Variants in PTPRE observed in about 807,000 individuals in gnomAD.
PTPRE encodes protein tyrosine phosphatase receptor type E.
In PTPRE, 51 loss-of-function variants were observed where a neutral mutation model predicts 102.0. That is an observed-to-expected ratio of 0.50 (90% CI 0.40 to 0.63). The LOEUF is 0.63. Among genes scored for constraint, PTPRE ranks in the 30% least tolerant of loss-of-function variants. The probability of loss-of-function intolerance (pLI) is 0.00; values close to 1 mark genes in which losing one functional copy is unlikely to be tolerated. For synonymous variants in PTPRE, 345 were observed against 348.2 expected (o/e 0.99, Z 0.10); for missense variants, 752 against 915.1 (o/e 0.82, Z 2.30).
chr10:127,973,665 A>G (rs1366095619), intron 1 of PTPRE, among the ~76,000 whole-genome samples: 4 of 151,916 alleles, frequency 2.6e-5, no homozygotes, highest in Admixed American at 1.3e-4. Flanking sequence ...AAAAAAATTG[A>G]TCTGTTTTCA....
chr10:127,952,408 C>A (rs1849100945), intron 1 of PTPRE, among the ~76,000 whole-genome samples: 3 of 146,072 alleles, frequency 2.1e-5, no homozygotes, highest in South Asian at 4.5e-4. Context: ...TATTAGCCTG[C>A]AAAATAGCTC....
chr10:127,920,397 C>T (rs1846510485), intron 1 of PTPRE, among the ~76,000 whole-genome samples: 1 of 152,152 alleles, frequency 6.6e-6, no homozygotes, highest in African/African-American at 2.4e-5. Flanking sequence ...GGTACCAGTT[C>T]CCAGATTGCT....
intron 2 of PTPRE, chr10:127,987,208 A>C: frequency 1.7e-6 from 1 of 585,806 alleles, no homozygotes. Flanking sequence ...GGCGTTAATC[A>C]GTCACAGTTT....
intron 2 of PTPRE, among the ~76,000 whole-genome samples, chr10:128,015,926 G>C (rs1282294143): frequency 2.0e-5 from 3 of 152,186 alleles, no homozygotes; most frequent in Non-Finnish European, 4.4e-5. Flanking sequence ...AAAGCGGATG[G>C]GCCTTGAAGC....
intron 1 of PTPRE, among the ~76,000 whole-genome samples, chr10:127,969,728 G>A (rs1452326062): frequency 1.3e-5 from 2 of 151,648 alleles, no homozygotes; most frequent in Admixed American, 1.3e-4. Flanking sequence ...GTGTGTTCTT[G>A]TCATATCACA....
intron 1 of PTPRE, among the ~76,000 whole-genome samples, chr10:127,969,121 T>G (rs1012191687): frequency 6.6e-6 from 1 of 152,212 alleles, no homozygotes; most frequent in African/African-American, 2.4e-5. Context: ...AATACTAATC[T>G]GGGGTTATGA....
intron 2 of PTPRE, among the ~76,000 whole-genome samples, chr10:127,983,066 G>T (rs1851774498): frequency 6.6e-6 from 1 of 152,126 alleles, no homozygotes; most frequent in South Asian, 2.1e-4. Context: ...TAAATGTATT[G>T]CCTTGTTTGA....
chr10:127,918,684 T>G (rs1846386421), intron 1 of PTPRE, among the ~76,000 whole-genome samples: 1 of 152,162 alleles, frequency 6.6e-6, no homozygotes. Flanking sequence ...GCTTCATGGC[T>G]GTTGGGCAAC....
chr10:127,921,212 A>C (rs907837412), intron 1 of PTPRE, among the ~76,000 whole-genome samples: 2 of 152,226 alleles, frequency 1.3e-5, no homozygotes, highest in Non-Finnish European at 2.9e-5. Context: ...ATCCTGCTCT[A>C]AGCACTTGGA....
chr10:128,041,521 G>A (rs193274105), intron 3 of PTPRE, among the ~76,000 whole-genome samples: 14 of 151,834 alleles, frequency 9.2e-5, no homozygotes, highest in South Asian at 6.3e-4. Flanking sequence ...GGTGGTGGGC[G>A]CCTGTAGTCC....
At chr10:128,062,408 A>G (rs924899374) in intron 9 of PTPRE, among the ~76,000 whole-genome samples, 1 of 152,130 alleles carries the variant, frequency 6.6e-6, no homozygotes, top group African/African-American at 2.4e-5. Context: ...ACCTCAGGAA[A>G]CCTGACGATC....
chr10:128,004,594 T>G (rs569805663), intron 2 of PTPRE, among the ~76,000 whole-genome samples: 1 of 152,366 alleles, frequency 6.6e-6, no homozygotes, highest in South Asian at 2.1e-4. Flanking sequence ...TCATTCCTTT[T>G]TAGGCTGAAT....
intron 2 of PTPRE, among the ~76,000 whole-genome samples, chr10:127,997,229 A>G (rs1853359741): frequency 6.6e-6 from 1 of 152,204 alleles, no homozygotes; most frequent in Non-Finnish European, 1.5e-5. Context: ...TCTTAAGAGC[A>G]TTTATAATGA....
chr10:128,081,855 A>G (rs1851733308), intron 20 of PTPRE, among the ~76,000 whole-genome samples: 1 of 152,236 alleles, frequency 6.6e-6, no homozygotes, highest in South Asian at 2.1e-4. Context: ...ACCGGGACTC[A>G]GGAAGGGCTA....
chr10:128,050,925 T>G lies in PTPRE; in HGVS notation c.420+1259T>G, dbSNP rs1291175119. On this transcript the variant is annotated intron_variant, in intron 6 of 20. Transcript: ENST00000254667. ...TGGGAAGGTGGTGGCCCATGTAAACTGTACATTGCTTGTTTTTTGGTGCAA... is the reference window on the plus strand; with the variant it reads ...TGGGAAGGTGGTGGCCCATGTAAACGGTACATTGCTTGTTTTTTGGTGCAA... 2.6e-5 allele frequency among the ~76,000 whole-genome samples: 4 copies of G among 152,250 alleles called. No homozygotes were observed. In the East Asian group the frequency reaches 7.7e-4, roughly 29 times the overall value.
chr10:127,931,062 A>T (rs971976736), intron 1 of PTPRE, among the ~76,000 whole-genome samples: 11 of 152,156 alleles, frequency 7.2e-5, no homozygotes, highest in African/African-American at 2.4e-4. Context: ...AAGTGCTGGG[A>T]TTGCAGGCAT....
intron 2 of PTPRE, among the ~76,000 whole-genome samples, chr10:128,021,931 T>TCGA (rs2135694976): frequency 6.6e-6 from 1 of 152,342 alleles, no homozygotes; most frequent in African/African-American, 2.4e-5. Context: ...TTCCAGTAGT[T>TCGA]GGCCGCAATT....
chr10:128,030,913 G>A (rs1846696004), intron 2 of PTPRE, among the ~76,000 whole-genome samples: 1 of 152,162 alleles, frequency 6.6e-6, no homozygotes, highest in East Asian at 1.9e-4. Context: ...ACCCTGCAGG[G>A]CGCCCCTACC....
At chr10:127,911,146 G>C (rs904956200) in intron 1 of PTPRE, among the ~76,000 whole-genome samples, 2 of 152,272 alleles carry the variant, frequency 1.3e-5, no homozygotes, top group East Asian at 1.9e-4. Flanking sequence ...CATACAAATA[G>C]ATAGATACCT....
Sources: gnomAD v4.1 joint callset for allele counts (sites outside exome capture counted in the v4.1 genomes callset) on GRCh38, gnomAD v4.1.1 for gene constraint, MANE v1.5 for transcripts, NCBI Gene and HGNC (gene_info 2026-07-23, HGNC 2026-07-21) for gene names.